Variants in SLC13A3 observed in about 807,000 individuals in gnomAD.
SLC13A3 encodes the protein solute carrier family 13 member 3.
In SLC13A3, 40 loss-of-function variants were observed where a neutral mutation model predicts 59.0. The observed-to-expected ratio is 0.68, with a 90% CI of 0.53 to 0.88. The LOEUF is 0.88. Among genes scored for constraint, SLC13A3 ranks in the 40% least tolerant of loss-of-function variants. The pLI is 0.00. For missense variants in SLC13A3, 699 were observed against 783.2 expected, an observed-to-expected ratio of 0.89 and a Z score of 1.28; for synonymous variants, 317 against 330.3, an observed-to-expected ratio of 0.96 and a Z score of 0.44.
chr20:46,560,314 T>C, intron 12 of SLC13A3, 116 bp from the exon 13 acceptor site: 1 of 968,852 alleles, frequency 1.0e-6, no homozygotes, highest in Non-Finnish European at 1.6e-6. Context: ...CAGGAAGTGA[T>C]GGAGCCAGGA....
intron 10 of SLC13A3, among the ~76,000 whole-genome samples, chr20:46,574,788 T>G (rs2062058719): frequency 1.3e-5 from 2 of 151,940 alleles, no homozygotes; most frequent in African/African-American, 2.4e-5. Flanking sequence ...CCTTCTAGCT[T>G]TGTTGGGAGG....
chr20:46,560,444 G>A (rs2096818327), intron 12 of SLC13A3, among the ~76,000 whole-genome samples: 2 of 152,186 alleles, frequency 1.3e-5, no homozygotes, highest in Admixed American at 6.5e-5. Flanking sequence ...GGCACTGTGT[G>A]CTACGCAGTT....
intron 1 of SLC13A3, among the ~76,000 whole-genome samples, chr20:46,643,361 C>T (rs1018686792): frequency 3.3e-5 from 5 of 152,120 alleles, no homozygotes; most frequent in African/African-American, 4.8e-5. Context: ...GGGGCAGGGA[C>T]GGCCTTTTCG....
intron 1 of SLC13A3, among the ~76,000 whole-genome samples, chr20:46,633,258 C>A (rs1299699082): frequency 6.6e-6 from 1 of 152,102 alleles, no homozygotes; most frequent in Admixed American, 6.5e-5. Flanking sequence ...CCAAGAGAAA[C>A]CCTTTCTGCC....
At chr20:46,626,827 G>A (rs1046315049) in intron 1 of SLC13A3, among the ~76,000 whole-genome samples, 14 of 152,156 alleles carry the variant, frequency 9.2e-5, no homozygotes, top group African/African-American at 3.1e-4. Context: ...GAACAAGCAG[G>A]CCAGGCCTTT....
chr20:46,560,435 G>A (rs2061921258), intron 12 of SLC13A3, among the ~76,000 whole-genome samples: 1 of 152,160 alleles, frequency 6.6e-6, no homozygotes. Flanking sequence ...TAGGTTCCAG[G>A]CACTGTGTGC....
upstream of SLC13A3, among the ~76,000 whole-genome samples, chr20:46,655,731 AAT>A (rs1028291525): frequency 6.9e-5 from 10 of 145,886 alleles, no homozygotes; most frequent in Admixed American, 7.0e-4. Flanking sequence ...AAAAGAAAAT[AAT>A]ATATATATAC....
At chr20:46,663,010 C>G (rs1197430209) in intron 1 of SLC13A3, among the ~76,000 whole-genome samples, 3 of 152,148 alleles carry the variant, frequency 2.0e-5, no homozygotes, top group Non-Finnish European at 4.4e-5. Flanking sequence ...TGCTTGGGGG[C>G]TGGGCATGGT....
Position 46,582,536 on chromosome 20 carries a change from G to A in SLC13A3, c.1219+1036C>T, listed in dbSNP as rs994963652. ...GAGGTTCACTGGAGCCCAAGAGTTCGAGACTGCGCTGAGCTGTGATGGTGC... is the reference window on the plus strand; with the variant it reads ...GAGGTTCACTGGAGCCCAAGAGTTCAAGACTGCGCTGAGCTGTGATGGTGC... On this transcript the variant is annotated intron_variant, in intron 9 of 12. Coordinates refer to ENST00000279027, the MANE Select transcript of SLC13A3 (RefSeq NM_022829.6). 13 of 674,642 alleles carry A rather than the reference G, an allele frequency of 1.9e-5. No individual in the cohort carries two copies. In the South Asian group the frequency reaches 4.7e-4, roughly 24 times the overall value. 41.8% of individuals were successfully genotyped at this position (674,642 alleles called of 1,614,324 possible).
chr20:46,658,441 A>G (rs2063008178), intron 1 of SLC13A3, among the ~76,000 whole-genome samples: 1 of 152,164 alleles, frequency 6.6e-6, no homozygotes, highest in African/African-American at 2.4e-5. Context: ...AGTTGTATAT[A>G]ATTATTAAAT....
rs373568217 is a variant in SLC13A3 at position 46,582,478 on chromosome 20, C to T, written c.1219+1094G>A. ...ATTAGCCAAGCGAGGTGGCTCACAC[C>T]TGTAATCCCAGCTTCTTGGGAGTCT... On this transcript the variant is annotated intron_variant, in intron 9 of 12. Coordinates refer to ENST00000279027, the MANE Select transcript of SLC13A3 (RefSeq NM_022829.6). 32 of 244,570 alleles carry T rather than the reference C, an allele frequency of 1.3e-4. No individual in the cohort carries two copies. In the East Asian group the frequency reaches 1.7e-3, roughly 13 times the overall value. 15.1% of individuals were successfully genotyped at this position (244,570 alleles called of 1,614,324 possible).
chr20:46,595,102 G>T (rs1478950023), intron 5 of SLC13A3, among the ~76,000 whole-genome samples: 2 of 152,096 alleles, frequency 1.3e-5, no homozygotes, highest in Non-Finnish European at 2.9e-5. Flanking sequence ...GGTGTCCTTT[G>T]TTGGCCAAAT....
At chr20:46,586,393 TC>T (rs2062191713) in intron 8 of SLC13A3, among the ~76,000 whole-genome samples, 1 of 152,200 alleles carries the variant, frequency 6.6e-6, no homozygotes, top group African/African-American at 2.4e-5. Context: ...AAATTCATTT[TC>T]CTTTCCCCAG....
chr20:46,672,935 A>G (rs1164390677), upstream of SLC13A3, among the ~76,000 whole-genome samples: 3 of 152,098 alleles, frequency 2.0e-5, no homozygotes, highest in African/African-American at 7.2e-5. Context: ...CACGGAGAAC[A>G]GAAGAATCAC....
chr20:46,670,477 A>C (rs1335094769), upstream of SLC13A3, among the ~76,000 whole-genome samples: 1 of 152,218 alleles, frequency 6.6e-6, no homozygotes, highest in East Asian at 1.9e-4. Flanking sequence ...ATGGGACATC[A>C]GCAAATGTGA....
At chr20:46,653,589 C>T (rs1363509213), upstream of SLC13A3, among the ~76,000 whole-genome samples, 2 of 152,180 alleles carry the variant, frequency 1.3e-5, no homozygotes, top group Non-Finnish European at 2.9e-5. Flanking sequence ...AGTTTTGAAA[C>T]ACTGTATTCA....
chr20:46,587,799 G>A (rs376906911), intron 8 of SLC13A3, among the ~76,000 whole-genome samples: 158 of 152,316 alleles, frequency 1.0e-3, no homozygotes, highest in Non-Finnish European at 1.9e-3. Context: ...CACACAGCTC[G>A]TAAGTGGCAG....
upstream of SLC13A3, among the ~76,000 whole-genome samples, chr20:46,654,282 T>G (rs958122058): frequency 2.6e-5 from 4 of 152,222 alleles, no homozygotes; most frequent in African/African-American, 9.7e-5. Flanking sequence ...TTGGTCCATT[T>G]TTTTAGCATT....
chr20:46,581,856 C>T (rs1373677449), intron 9 of SLC13A3, among the ~76,000 whole-genome samples: 1 of 152,160 alleles, frequency 6.6e-6, no homozygotes, highest in Admixed American at 6.5e-5. Flanking sequence ...ATGATGAGAA[C>T]AGCCATTTGG....
Sources: gnomAD v4.1 joint callset for allele counts (sites outside exome capture counted in the v4.1 genomes callset) on GRCh38, gnomAD v4.1.1 for gene constraint, MANE v1.5 for transcripts, NCBI Gene and HGNC (gene_info 2026-07-23, HGNC 2026-07-21) for gene names.